VAV3: variants seen among roughly 807,000 people sequenced by gnomAD.
The protein encoded by VAV3 is vav guanine nucleotide exchange factor 3.
Under a neutral mutation model 131.2 loss-of-function variants are expected in VAV3, and 94 were observed. The ratio of observed to expected loss-of-function variants is 0.72; its 90% CI spans 0.61 to 0.85. The LOEUF (loss-of-function observed/expected upper bound fraction) is 0.85, where lower values mean the gene tolerates loss of function less well. VAV3 is among the 40% of genes least tolerant of loss of function. The probability of loss-of-function intolerance (pLI) is 0.00; values close to 1 mark genes in which losing one functional copy is unlikely to be tolerated. For synonymous variants in VAV3, 349 were observed against 342.0 expected, an observed-to-expected ratio of 1.02 and a Z score of -0.22; for missense variants, 939 against 1,002.7, an observed-to-expected ratio of 0.94 and a Z score of 0.86.
chr1:107,921,842 A>G (rs12410511), intron 1 of VAV3, among the ~76,000 whole-genome samples: 9 of 152,222 alleles, frequency 5.9e-5, no homozygotes, highest in Admixed American at 5.9e-4. Flanking sequence ...ATCTGTAAAA[A>G]CCAGGAAAAA....
At chr1:107,886,952 A>C (rs1018089738) in intron 1 of VAV3, among the ~76,000 whole-genome samples, 1 of 152,116 alleles carries the variant, frequency 6.6e-6, no homozygotes, top group African/African-American at 2.4e-5. Context: ...TTACATTAAC[A>C]AATGTTCTAC....
intron 15 of VAV3, among the ~76,000 whole-genome samples, chr1:107,738,243 A>T (rs1000921516): frequency 1.3e-5 from 2 of 152,122 alleles, no homozygotes; most frequent in African/African-American, 4.8e-5. Context: ...TTAGGAGAAA[A>T]ACCTAATGTA....
At chr1:107,882,200 A>G (rs1016999505) in intron 1 of VAV3, among the ~76,000 whole-genome samples, 17 of 152,298 alleles carry the variant, frequency 1.1e-4, no homozygotes, top group African/African-American at 4.1e-4. Context: ...GGTGAGTGCT[A>G]ATAGACCTTC....
At chr1:107,677,744 T>A (rs957180708) in intron 19 of VAV3, 6 of 152,202 alleles carry the variant, frequency 3.9e-5, no homozygotes, top group African/African-American at 1.4e-4. Context: ...ATTCTGTTAT[T>A]TCAGTAGTCA....
chr1:107,841,003 C>T (rs963839393), intron 2 of VAV3, among the ~76,000 whole-genome samples: 2 of 152,016 alleles, frequency 1.3e-5, no homozygotes, highest in Non-Finnish European at 2.9e-5. Context: ...AGACTACTGC[C>T]ATGGTCTTAG....
chr1:107,915,978 T>C (rs912948124), intron 1 of VAV3, among the ~76,000 whole-genome samples: 2 of 151,532 alleles, frequency 1.3e-5, no homozygotes, highest in East Asian at 3.9e-4. Context: ...GGGATGTGCA[T>C]GTTGAGAGCA....
chr1:107,781,240 T>C (rs1301657969), intron 2 of VAV3, among the ~76,000 whole-genome samples: 2 of 152,178 alleles, frequency 1.3e-5, no homozygotes, highest in African/African-American at 4.8e-5. Flanking sequence ...AAGAATTAAA[T>C]GAGATCATGC....
chr1:107,885,066 G>T (rs1374723278), intron 1 of VAV3, among the ~76,000 whole-genome samples: 2 of 152,078 alleles, frequency 1.3e-5, no homozygotes, highest in African/African-American at 4.8e-5. Flanking sequence ...GGCTAGAAAT[G>T]GACTGCCTGC....
intron 20 of VAV3, among the ~76,000 whole-genome samples, chr1:107,641,755 T>G (rs1655354049): frequency 6.6e-6 from 1 of 152,160 alleles, no homozygotes; most frequent in Non-Finnish European, 1.5e-5. Context: ...TGAAGTGAAC[T>G]GTTAATATAT....
intron 20 of VAV3, among the ~76,000 whole-genome samples, chr1:107,624,832 T>C (rs532601821): frequency 6.6e-6 from 1 of 152,316 alleles, no homozygotes; most frequent in Non-Finnish European, 1.5e-5. Context: ...CTGTGTTACA[T>C]ACTAAGGAAT....
intron 1 of VAV3, among the ~76,000 whole-genome samples, chr1:107,910,558 G>A (rs1672319710): frequency 6.6e-6 from 1 of 152,212 alleles, no homozygotes. Flanking sequence ...TAATGACCCT[G>A]ATTCCAGGAT....
intron 13 of VAV3, among the ~76,000 whole-genome samples, chr1:107,750,602 A>G (rs1398831652): frequency 1.3e-5 from 2 of 152,204 alleles, no homozygotes; most frequent in East Asian, 1.9e-4. Context: ...CAAAGATTCC[A>G]GAAAACAATC....
intron 15 of VAV3, among the ~76,000 whole-genome samples, chr1:107,745,395 C>T (rs964668387): frequency 6.6e-6 from 1 of 151,012 alleles, no homozygotes; most frequent in South Asian, 2.1e-4. Context: ...AAAAAAAAAG[C>T]GGGGGGGAAT....
At chr1:107,802,887 T>C (rs114115018) in intron 2 of VAV3, among the ~76,000 whole-genome samples, 2,261 of 151,922 alleles carry the variant, frequency 0.015, 64 homozygotes, top group African/African-American at 0.052. Context: ...TCTTCAGTTT[T>C]TTTTTTTTTT....
chr1:107,822,498 C>CA (rs1224272286), intron 2 of VAV3, among the ~76,000 whole-genome samples: 6 of 150,692 alleles, frequency 4.0e-5, no homozygotes, highest in African/African-American at 7.3e-5. Context: ...ATTAAAAATA[C>CA]AAAAAAAACA....
At chr1:107,695,093 C>T (rs989653914) in intron 17 of VAV3, among the ~76,000 whole-genome samples, 1 of 151,988 alleles carries the variant, frequency 6.6e-6, no homozygotes, top group Admixed American at 6.6e-5. Flanking sequence ...CATGTAGATA[C>T]ACAGACATAA....
In VAV3 at chr1:107,683,594, T is replaced by C. The variant is rs1658804299; in HGVS notation, c.1732-61A>G. On this transcript the variant is annotated intron_variant, in intron 18 of 26. Transcript: ENST00000370056. ...GTGTTGGTAATTTTGCACTATTAAA[T>C]TGTATTACTACTGGCACTTTGGAAA... The C allele has an allele frequency of 3.1e-5, 47 of 1,540,824 alleles. 1 individual carries two copies. In the East Asian group the frequency reaches 1.0e-3, roughly 34 times the overall value.
At chr1:107,702,795 CAA>C (rs11312777) in intron 17 of VAV3, among the ~76,000 whole-genome samples, 39 of 137,720 alleles carry the variant, frequency 2.8e-4, no homozygotes, top group Middle Eastern at 3.7e-3. Flanking sequence ...CCACGTCTTT[CAA>C]AAAAAAAAAA....
At chr1:107,578,682 C>T (rs1338547696) in intron 25 of VAV3, 5 of 622,426 alleles carry the variant, frequency 8.0e-6, no homozygotes, top group Non-Finnish European at 1.0e-5. Context: ...GATCTCGGCT[C>T]ACTGCAAGCT....
Sources: gnomAD v4.1 joint callset for allele counts (sites outside exome capture counted in the v4.1 genomes callset) on GRCh38, gnomAD v4.1.1 for gene constraint, MANE v1.5 for transcripts, NCBI Gene and HGNC (gene_info 2026-07-23, HGNC 2026-07-21) for gene names.